Variants in HS3ST5 observed in about 807,000 individuals in gnomAD.
The protein encoded by HS3ST5 is heparan sulfate glucosamine 3-O-sulfotransferase 5.
A neutral mutation model predicts 25.4 loss-of-function variants in HS3ST5; 10 were observed. The ratio of observed to expected loss-of-function variants is 0.39; its 90% CI spans 0.24 to 0.67. HS3ST5 has a LOEUF of 0.67. HS3ST5 is among the 30% of genes least tolerant of loss of function. The probability of loss-of-function intolerance (pLI) is 0.44; values close to 1 mark genes in which losing one functional copy is unlikely to be tolerated. For synonymous variants in HS3ST5, 170 were observed against 162.4 expected (o/e 1.05, Z -0.36); for missense variants, 324 against 420.7 (o/e 0.77, Z 2.01).
At chr6:114,189,603 T>C (rs540907041) in intron 2 of HS3ST5, among the ~76,000 whole-genome samples, 32 of 152,314 alleles carry the variant, frequency 2.1e-4, no homozygotes, top group African/African-American at 7.7e-4. Flanking sequence ...TACTTTTATC[T>C]TATATTTAGT....
intron 3 of HS3ST5, chr6:114,131,124 CT>C (rs1185422318): frequency 6.6e-6 from 1 of 152,154 alleles, no homozygotes; most frequent in African/African-American, 2.4e-5. Flanking sequence ...CACTGAATGC[CT>C]AACTTTGCAG....
At chr6:114,162,966 C>T (rs73536692) in intron 3 of HS3ST5, among the ~76,000 whole-genome samples, 12,079 of 152,072 alleles carry the variant, frequency 0.079, 559 homozygotes, top group African/African-American at 0.12. Flanking sequence ...TCTTTGAGGG[C>T]GGGGGGTTTT....
rs11967973 is a variant in HS3ST5, at chr6:114,179,310, C to A, written c.-144-10848G>T. ...ACCTCACATTCTCTAACTTTGGCAG[C>A]TGTATGTAGTTACCAATTCACTGAG... On this transcript the variant is annotated intron_variant, in intron 2 of 4. Transcript: ENST00000312719. 2.4e-3 allele frequency among the ~76,000 whole-genome samples: 373 copies of A among 152,318 alleles called. 2 individuals carry two copies. The highest frequency in any genetic ancestry group is 8.8e-3 in the African/African-American group (364 of 41,574).
At chr6:114,264,262 G>A (rs1421675419) in intron 1 of HS3ST5, among the ~76,000 whole-genome samples, 1 of 151,968 alleles carries the variant, frequency 6.6e-6, no homozygotes, top group Non-Finnish European at 1.5e-5. Context: ...GTTCTTATAA[G>A]CTCAATGATG....
intron 3 of HS3ST5, among the ~76,000 whole-genome samples, chr6:114,150,187 C>T (rs998248808): frequency 8.5e-5 from 13 of 152,218 alleles, no homozygotes; most frequent in African/African-American, 2.9e-4. Flanking sequence ...ACTTTCAATA[C>T]AATTAATGGC....
chr6:114,274,398 G>T (rs1428018791), intron 1 of HS3ST5, among the ~76,000 whole-genome samples: 1 of 152,056 alleles, frequency 6.6e-6, no homozygotes, highest in Non-Finnish European at 1.5e-5. Flanking sequence ...ATAATAGTCA[G>T]CACGGTTGTG....
chr6:114,067,695 C>T (rs905981253), intron 3 of HS3ST5, among the ~76,000 whole-genome samples: 1 of 152,174 alleles, frequency 6.6e-6, no homozygotes, highest in African/African-American at 2.4e-5. Context: ...TGGCTCCTTA[C>T]ACTGCCCCGT....
chr6:114,338,349 G>A (rs932689113), intron 1 of HS3ST5, among the ~76,000 whole-genome samples: 3 of 129,644 alleles, frequency 2.3e-5, no homozygotes, highest in African/African-American at 7.7e-5. Context: ...ATATGTATAT[G>A]TAAATAAATA....
At chr6:114,300,144 A>G (rs1340552344) in intron 1 of HS3ST5, among the ~76,000 whole-genome samples, 2 of 152,240 alleles carry the variant, frequency 1.3e-5, no homozygotes, top group Non-Finnish European at 2.9e-5. Context: ...GGATGAGAAA[A>G]GAAAAAAACC....
intron 2 of HS3ST5, among the ~76,000 whole-genome samples, chr6:114,226,521 A>G (rs950832771): frequency 3.9e-5 from 6 of 151,960 alleles, no homozygotes; most frequent in South Asian, 2.1e-4. Flanking sequence ...ATTGTTGTTT[A>G]CTACTCATTG....
chr6:114,303,799 T>G (rs1484367163), intron 1 of HS3ST5, among the ~76,000 whole-genome samples: 1 of 152,174 alleles, frequency 6.6e-6, no homozygotes, highest in Non-Finnish European at 1.5e-5. Flanking sequence ...TTCTAAAATA[T>G]CTACAAAATT....
intron 3 of HS3ST5, among the ~76,000 whole-genome samples, chr6:114,117,225 C>A (rs760338250): frequency 2.0e-5 from 3 of 152,134 alleles, no homozygotes; most frequent in Non-Finnish European, 2.9e-5. Context: ...AATTTGACTG[C>A]AAATAATAAG....
At chr6:114,249,620 C>A (rs1264708962) in intron 1 of HS3ST5, among the ~76,000 whole-genome samples, 1 of 152,164 alleles carries the variant, frequency 6.6e-6, no homozygotes, top group Non-Finnish European at 1.5e-5. Flanking sequence ...GGTACGACCC[C>A]TCCCCAGGGG....
chr6:114,195,489 A>T lies in HS3ST5; in HGVS notation c.-144-27027T>A, dbSNP rs369497904. On this transcript the variant is annotated intron_variant, in intron 2 of 4. Coordinates refer to ENST00000312719, the MANE Select transcript of HS3ST5 (RefSeq NM_153612.4). ...CTTCCACAGTAAAGGAATGCAAATT[A>T]AAAAAAAAAATTGTTAAAGCATTGC... 9.5e-4 allele frequency among the ~76,000 whole-genome samples: 138 copies of T among 145,140 alleles called. 1 individual carries two copies. Among genetic ancestry groups the T allele is most frequent in the Middle Eastern group, 3.5e-3 (1 of 286 alleles).
At chr6:114,267,720 AGAGGGCCT>A (rs1187353290) in intron 1 of HS3ST5, among the ~76,000 whole-genome samples, 3 of 152,210 alleles carry the variant, frequency 2.0e-5, no homozygotes, top group African/African-American at 7.2e-5. Context: ...TTAGAATTCC[AGAGGGCCT>A]GAGAGAGTGG....
intron 1 of HS3ST5, among the ~76,000 whole-genome samples, chr6:114,298,889 C>T (rs1222042249): frequency 6.6e-6 from 1 of 152,136 alleles, no homozygotes; most frequent in Non-Finnish European, 1.5e-5. Flanking sequence ...TATGTCACCT[C>T]AGGACCCTGT....
At chr6:114,146,119 A>G (rs1376159812) in intron 3 of HS3ST5, among the ~76,000 whole-genome samples, 1 of 152,222 alleles carries the variant, frequency 6.6e-6, no homozygotes, top group Non-Finnish European at 1.5e-5. Context: ...TACAGAGTCC[A>G]GTTGCTTCTA....
chr6:114,263,282 T>C (rs991639436), intron 1 of HS3ST5, among the ~76,000 whole-genome samples: 4 of 152,150 alleles, frequency 2.6e-5, no homozygotes, highest in Non-Finnish European at 5.9e-5. Context: ...ACTTATTATA[T>C]ACTTTTGTTC....
chr6:114,338,444 T>C (rs751325294), intron 1 of HS3ST5, among the ~76,000 whole-genome samples: 20 of 151,620 alleles, frequency 1.3e-4, no homozygotes, highest in Non-Finnish European at 2.4e-4. Flanking sequence ...TTTCTTAATA[T>C]GGACATAGCT....
Sources: gnomAD v4.1 joint callset for allele counts (sites outside exome capture counted in the v4.1 genomes callset) on GRCh38, gnomAD v4.1.1 for gene constraint, MANE v1.5 for transcripts, NCBI Gene and HGNC (gene_info 2026-07-23, HGNC 2026-07-21) for gene names.